IL1RAPL2: variants seen among roughly 807,000 people sequenced by gnomAD.
IL1RAPL2 encodes the protein interleukin 1 receptor accessory protein like 2.
A neutral mutation model predicts 44.1 loss-of-function variants in IL1RAPL2; 3 were observed. The observed-to-expected ratio is 0.07, with a 90% confidence interval of 0.03 to 0.18. The LOEUF (loss-of-function observed/expected upper bound fraction) is 0.18. IL1RAPL2 is among the 10% of genes least tolerant of loss of function. IL1RAPL2 has a pLI of 1.00. For synonymous variants in IL1RAPL2, 181 were observed against 178.8 expected (o/e 1.01, Z -0.10); for missense variants, 391 against 496.4 (o/e 0.79, Z 2.02).
At chrX:105,064,731 A>G (rs996937019) in intron 2 of IL1RAPL2, among the ~76,000 whole-genome samples, 1 of 112,265 alleles carries the variant, frequency 8.9e-6, no homozygotes. Context: ...ATGGATCATC[A>G]TAAACGTCTT....
chrX:105,300,652 T>C (rs2034689778), intron 5 of IL1RAPL2, among the ~76,000 whole-genome samples: 1 of 110,930 alleles, frequency 9.0e-6, no homozygotes, highest in Non-Finnish European at 1.9e-5. Context: ...GTGACATACA[T>C]CTCTTGCCAA....
chrX:105,663,957 G>T (rs2037738833), intron 6 of IL1RAPL2, among the ~76,000 whole-genome samples: 1 of 112,222 alleles, frequency 8.9e-6, no homozygotes, highest in Non-Finnish European at 1.9e-5. Flanking sequence ...TATTGAAAAT[G>T]CAGCTTTTAG....
intron 5 of IL1RAPL2, among the ~76,000 whole-genome samples, chrX:105,291,898 A>G (rs1282557938): frequency 9.0e-6 from 1 of 111,373 alleles, no homozygotes; most frequent in Non-Finnish European, 1.9e-5. Flanking sequence ...AAACATGAAT[A>G]GAAAATACAG....
chrX:104,990,368 C>T (rs183604330), intron 2 of IL1RAPL2, among the ~76,000 whole-genome samples: 1 of 111,722 alleles, frequency 9.0e-6, no homozygotes, highest in East Asian at 2.8e-4. Context: ...TAACATTTTA[C>T]AAATCACATA....
At chrX:105,078,983 G>A (rs2032359599) in intron 2 of IL1RAPL2, among the ~76,000 whole-genome samples, 1 of 112,369 alleles carries the variant, frequency 8.9e-6, no homozygotes, top group Admixed American at 9.4e-5. Flanking sequence ...TGCTTCCTGG[G>A]TGAGGCGATG....
chrX:104,730,004 A>G (rs888836392), intron 2 of IL1RAPL2, among the ~76,000 whole-genome samples: 8 of 111,281 alleles, frequency 7.2e-5, no homozygotes, highest in Admixed American at 9.6e-5. Context: ...CCAGCATTAC[A>G]ATGATGATAT....
At chrX:104,986,884 C>G (rs1167572841) in intron 2 of IL1RAPL2, among the ~76,000 whole-genome samples, 1 of 111,900 alleles carries the variant, frequency 8.9e-6, no homozygotes, top group African/African-American at 3.2e-5. Context: ...TTTTAAGTAC[C>G]AAATACATGG....
chrX:105,112,532 A>G (rs906271743), intron 2 of IL1RAPL2, among the ~76,000 whole-genome samples: 5 of 112,811 alleles, frequency 4.4e-5, no homozygotes, highest in African/African-American at 1.6e-4. Flanking sequence ...AGTGTCTCAC[A>G]TAAAGGTATT....
chrX:105,470,002 A>G (rs1344127876), intron 5 of IL1RAPL2, among the ~76,000 whole-genome samples: 4 of 111,287 alleles, frequency 3.6e-5, no homozygotes, highest in Non-Finnish European at 7.5e-5. Context: ...AATTTACACT[A>G]GACATAAAAT....
chrX:105,646,180 A>G (rs891675770), intron 6 of IL1RAPL2, among the ~76,000 whole-genome samples: 2 of 111,395 alleles, frequency 1.8e-5, no homozygotes, highest in African/African-American at 6.5e-5. Context: ...TGAAGCTGAA[A>G]TTACATCATA....
intron 5 of IL1RAPL2, among the ~76,000 whole-genome samples, chrX:105,270,503 C>A (rs12852051): frequency 9.0e-6 from 1 of 111,702 alleles, no homozygotes; most frequent in South Asian, 3.8e-4. Context: ...AGGCAACAAG[C>A]TAGGAGCTGG....
intron 2 of IL1RAPL2, among the ~76,000 whole-genome samples, chrX:105,185,618 C>CA (rs2033577395): frequency 1.8e-5 from 2 of 111,400 alleles, no homozygotes; most frequent in Admixed American, 1.9e-4. Context: ...AAAGATAACT[C>CA]AGATTTTCTG....
chrX:105,586,908 G>A (rs1182766807), intron 6 of IL1RAPL2, among the ~76,000 whole-genome samples: 2 of 112,001 alleles, frequency 1.8e-5, no homozygotes, highest in East Asian at 5.6e-4. Context: ...TCTGAATTCT[G>A]GTTCCTCAAT....
chrX:104,626,486 A>T, intron 1 of IL1RAPL2, among the ~76,000 whole-genome samples: 1 of 111,087 alleles, frequency 9.0e-6, no homozygotes, highest in Middle Eastern at 4.7e-3. Context: ...AATATTTGGG[A>T]TTAATAATTC....
At chrX:105,337,946 G>C (rs915388202) in intron 5 of IL1RAPL2, among the ~76,000 whole-genome samples, 2 of 110,591 alleles carry the variant, frequency 1.8e-5, no homozygotes, top group Non-Finnish European at 3.8e-5. Context: ...TACTCTAAAG[G>C]GTAAGAAGTA....
At chrX:105,071,357 G>T (rs60003946) in intron 2 of IL1RAPL2, among the ~76,000 whole-genome samples, 7,021 of 110,914 alleles carry the variant, frequency 0.063, 601 homozygotes, top group African/African-American at 0.22. Flanking sequence ...TATCAAAATT[G>T]AAATAAAAAA....
At chrX:105,713,780 A>G (rs1005533829) in intron 6 of IL1RAPL2, among the ~76,000 whole-genome samples, 2 of 111,036 alleles carry the variant, frequency 1.8e-5, no homozygotes, top group Admixed American at 1.9e-4. Flanking sequence ...GCTTGTTTCT[A>G]TGCGTATTAA....
At chrX:105,644,727 A>G (rs759635958) in intron 6 of IL1RAPL2, among the ~76,000 whole-genome samples, 4 of 110,889 alleles carry the variant, frequency 3.6e-5, no homozygotes, top group Non-Finnish European at 7.6e-5. Flanking sequence ...CATCTACATT[A>G]GGTATTTCTC....
At chrX:104,962,282 T>C (rs142102150) in intron 2 of IL1RAPL2, among the ~76,000 whole-genome samples, 4 of 112,513 alleles carry the variant, frequency 3.6e-5, no homozygotes, top group Non-Finnish European at 7.5e-5. Flanking sequence ...ATTTCTGCCA[T>C]GTGCAACCAA....
Sources: allele counts gnomAD v4.1 joint callset (sites outside exome capture counted in the v4.1 genomes callset), GRCh38; gene constraint gnomAD v4.1.1; transcripts MANE v1.5; gene names NCBI Gene and HGNC (gene_info 2026-07-23, HGNC 2026-07-21).